Variants in MIB1 observed in about 807,000 individuals in gnomAD.
MIB1 encodes the protein MIB E3 ubiquitin protein ligase 1.
In MIB1, 278 loss-of-function variants were observed where a neutral mutation model predicts 124.5. The ratio of observed to expected loss-of-function variants is 2.23; its 90% confidence interval spans 2.02 to 2.47. The LOEUF (loss-of-function observed/expected upper bound fraction) is 2.47. Among genes scored for constraint, MIB1 ranks in the 30% most tolerant of loss-of-function variants. The pLI, the probability that MIB1 is intolerant of heterozygous loss-of-function variation, is 0.00. For missense variants in MIB1, 957 were observed against 1,254.4 expected (o/e 0.76, Z 3.58); for synonymous variants, 446 against 429.4 (o/e 1.04, Z -0.48).
chr18:21,815,896 C>G, intron 11 of MIB1, 83 bp downstream of exon 11: 1 of 1,215,884 alleles, frequency 8.2e-7, no homozygotes, highest in Non-Finnish European at 1.2e-6. Flanking sequence ...GTAAGCATTC[C>G]TTTGTTACCG....
rs962284574 is a variant in MIB1 at position 21,757,937 on chromosome 18, A to G, written c.230-7835A>G. The stretch of plus-strand genomic sequence containing the variant: ...TAAATAAGATCCATGCTAGGTGCGG[A>G]AGAAAAACCACAAAAAACCGTGGTA... On this transcript the variant is annotated intron_variant, in intron 1 of 20. Transcript: ENST00000261537. 2.6e-4 allele frequency among the ~76,000 whole-genome samples: 39 copies of G among 152,312 alleles called. 1 individual carries two copies. The Middle Eastern group carries it at 0.01, about 40-fold the overall frequency.
rs1488465894 is a variant in MIB1 at position 21,866,481 on chromosome 18, C to T, written c.*1815C>T. On this transcript the variant is annotated 3_prime_UTR_variant, in exon 21 of 21. Coordinates refer to ENST00000261537, the MANE Select transcript of MIB1 (RefSeq NM_020774.4). ...ATGTTCACATAAAGAGACAGACAGA[C>T]TATCATGTTGCAGACATGAAAACAG... 2.6e-5 allele frequency: 4 copies of T among 152,182 alleles called. No homozygotes were observed. The highest frequency in any genetic ancestry group is 4.4e-5 in the Non-Finnish European group (3 of 68,026). 9.4% of individuals were successfully genotyped at this position (152,182 alleles called of 1,614,324 possible).
intron 2 of MIB1, among the ~76,000 whole-genome samples, chr18:21,767,936 G>T (rs530668110): frequency 1.3e-5 from 2 of 152,050 alleles, no homozygotes; most frequent in African/African-American, 2.4e-5. Context: ...CACTGCCCCC[G>T]CCAATACAGA....
chr18:21,745,250 C>T (rs370632090), intron 1 of MIB1, among the ~76,000 whole-genome samples: 7 of 152,142 alleles, frequency 4.6e-5, no homozygotes, highest in Non-Finnish European at 8.8e-5. Flanking sequence ...TGTTAAAGTG[C>T]GGAACAAAAC....
chr18:21,838,604 C>T (rs1378668302), intron 13 of MIB1, 107 bp downstream of exon 13: 8 of 777,556 alleles, frequency 1.0e-5, no homozygotes, highest in African/African-American at 3.6e-5. Context: ...TTAGTAGGTT[C>T]CAGTAAAACC....
intron 12 of MIB1, among the ~76,000 whole-genome samples, chr18:21,824,422 T>C (rs1162507767): frequency 2.0e-5 from 3 of 152,164 alleles, no homozygotes. Flanking sequence ...TGATAAGCTG[T>C]ACTGTATTTT....
At chr18:21,854,032 A>AG (rs2042204762) in intron 18 of MIB1, among the ~76,000 whole-genome samples, 1 of 151,164 alleles carries the variant, frequency 6.6e-6, no homozygotes, top group African/African-American at 2.4e-5. Flanking sequence ...AAAAAAAAAA[A>AG]AAAAATTCCA....
At chr18:21,791,896 G>A (rs544446237) in intron 7 of MIB1, among the ~76,000 whole-genome samples, 33 of 152,338 alleles carry the variant, frequency 2.2e-4, no homozygotes, top group African/African-American at 7.7e-4. Flanking sequence ...GACCAGTGCA[G>A]CTTTCCTGAT....
Position 21,858,586 on chromosome 18 carries a change from T to TA in MIB1, c.2821dup (p.Thr941AsnfsTer18). 1 of 1,600,530 alleles carries TA rather than the reference T, an allele frequency of 6.2e-7. No individual in the cohort carries two copies. The highest frequency in any genetic ancestry group is 8.6e-7 in the Non-Finnish European group (1 of 1,168,160). On this transcript the variant is annotated frameshift_variant, in exon 20 of 21. Coordinates refer to ENST00000261537, the MANE Select transcript of MIB1 (RefSeq NM_020774.4). LOFTEE classifies it high-confidence loss of function. ...CAGTATTACAAAAGGACAAGGATAA[T>TA]ACCAATGTCAATGCAGATGTGCAAA...
chr18:21,848,940 T>C (rs894694156), intron 16 of MIB1, among the ~76,000 whole-genome samples: 1 of 152,170 alleles, frequency 6.6e-6, no homozygotes, highest in African/African-American at 2.4e-5. Flanking sequence ...TTTTATTTCA[T>C]TGTTAGAAGA....
Position 21,860,098 on chromosome 18 carries a change from C to CTTTTTTTTTTTTTTTTT in MIB1, c.2880+1463_2880+1479dup, listed in dbSNP as rs398032096. 4.5e-4 allele frequency among the ~76,000 whole-genome samples: 12 copies of CTTTTTTTTTTTTTTTTT among 26,462 alleles called. 2 individuals are homozygous for CTTTTTTTTTTTTTTTTT. The highest frequency in any genetic ancestry group is 9.7e-4 in the African/African-American group (8 of 8,208). The allele number at this position is 26,462 out of a possible 152,430, so 17.4% of individuals were successfully genotyped here. The stretch of plus-strand genomic sequence containing the variant: ...GTGTTGGTTATGTTGTTCTTTATGT[C>CTTTTTTTTTTTTTTTTT]TTTTTTTTTTTTTTTTTTTTTTTTT... On this transcript the variant is annotated intron_variant, in intron 20 of 20. Transcript: ENST00000261537.
chr18:21,843,818 G>A (rs182214563), intron 14 of MIB1, among the ~76,000 whole-genome samples: 3 of 152,152 alleles, frequency 2.0e-5, no homozygotes, highest in African/African-American at 4.8e-5. Flanking sequence ...ATATCCCTCC[G>A]TTATCATCAT....
chr18:21,774,477 A>C (rs977198793), intron 4 of MIB1, among the ~76,000 whole-genome samples: 33 of 152,144 alleles, frequency 2.2e-4, no homozygotes, highest in African/African-American at 8.0e-4. Context: ...AATTCCAGCT[A>C]TTTGGGAGGC....
At chr18:21,706,476 G>A (rs2040631778) in intron 1 of MIB1, among the ~76,000 whole-genome samples, 1 of 152,160 alleles carries the variant, frequency 6.6e-6, no homozygotes, top group African/African-American at 2.4e-5. Context: ...GCTGGCTGAG[G>A]CCGGAGCCAG....
rs2041629826 is a variant in MIB1 at position 21,799,843 on chromosome 18, A to G, written c.1240A>G (p.Arg414Gly). Residue 414 changes from arginine (R) to glycine (G), a missense_variant and splice_region_variant, in exon 9 of 21, where the codon AGA (arginine) becomes GGA (glycine). Physicochemically the swap from Arg to Gly is moderately radical, Grantham distance 125. Coordinates refer to ENST00000261537, the MANE Select transcript of MIB1 (RefSeq NM_020774.4). ...CAGCTTTATTTGATGCTTTACAGAA[A>G]GACTCTCACAACTCCTGAAGAAATT... is the stretch of plus-strand genomic sequence containing the variant. Reference protein sequence around the residue: ...GSAISNASGERLSQLLKKLFE... With the variant: ...GSAISNASGEGLSQLLKKLFE... The G allele has an allele frequency of 6.2e-7, 1 of 1,609,324 alleles. No individual in the cohort carries two copies. Among genetic ancestry groups the G allele is most frequent in the African/African-American group, 1.3e-5 (1 of 74,936 alleles).
At chr18:21,745,433 G>T (rs1204863056) in intron 1 of MIB1, among the ~76,000 whole-genome samples, 1 of 152,154 alleles carries the variant, frequency 6.6e-6, no homozygotes, top group Non-Finnish European at 1.5e-5. Context: ...TCCAGACATT[G>T]CCAGATGTCC....
rs781423306 is a variant in MIB1, at chr18:21,791,505, G to A, written c.1040G>A (p.Arg347Gln). The change falls in exon 7 of 21, where the codon CGA becomes CAA. Residue 347 changes from arginine (R) to glutamine (Q), a missense_variant. Physicochemically the swap from Arg to Gln is conservative, Grantham distance 43 (BLOSUM62 1). Coordinates refer to ENST00000261537, the MANE Select transcript of MIB1 (RefSeq NM_020774.4). ...GTACAAGTTTGTTATGACCTGGAAC[G>A]AATTAAACTTCTACAAAGAGGACAT... ...DLVQVCYDLE[R>Q]IKLLQRGHGE... 14 of 1,613,946 alleles carry A rather than the reference G, an allele frequency of 8.7e-6. No homozygotes were observed. Among genetic ancestry groups the A allele is most frequent in the Admixed American group, 3.3e-5 (2 of 60,000 alleles).
chr18:21,803,670 C>G (rs187573930), intron 9 of MIB1: 3 of 346,250 alleles, frequency 8.7e-6, no homozygotes, highest in Non-Finnish European at 1.0e-5. Flanking sequence ...TGCAGATTGC[C>G]TAACAGTTAT....
chr18:21,757,932 T>C (rs2146396056), intron 1 of MIB1, among the ~76,000 whole-genome samples: 1 of 152,180 alleles, frequency 6.6e-6, no homozygotes, highest in South Asian at 2.1e-4. Context: ...CCATGCTAGG[T>C]GCGGAAGAAA....
Sources: gnomAD v4.1 joint callset for allele counts (sites outside exome capture counted in the v4.1 genomes callset) on GRCh38, gnomAD v4.1.1 for gene constraint, MANE v1.5 for transcripts, NCBI Gene and HGNC (gene_info 2026-07-23, HGNC 2026-07-21) for gene names.